Variants in RYR3 observed in about 807,000 individuals in gnomAD.
The protein encoded by RYR3 is ryanodine receptor 3, also known as brain ryanodine receptor-calcium release channel.
A neutral mutation model predicts 584.3 loss-of-function variants in RYR3; 207 were observed. That is an observed-to-expected ratio of 0.35 (90% CI 0.32 to 0.40). The LOEUF (loss-of-function observed/expected upper bound fraction) is 0.40, where lower values mean the gene tolerates loss of function less well. Ranked by LOEUF, RYR3 falls within the 10% of genes least tolerant of loss-of-function variation. The pLI is 1.00. For synonymous variants in RYR3, 2,416 were observed against 2,248.5 expected, an observed-to-expected ratio of 1.07 and a Z score of -2.11; for missense variants, 5,616 against 6,089.2, an observed-to-expected ratio of 0.92 and a Z score of 2.59.
chr15:33,652,252 C>T (rs1011554222), intron 31 of RYR3, among the ~76,000 whole-genome samples: 2 of 152,196 alleles, frequency 1.3e-5, no homozygotes, highest in Admixed American at 6.5e-5. Flanking sequence ...AATGTGGGCC[C>T]GAGTTTTCAA....
chr15:33,609,418 G>A (rs537905353), intron 18 of RYR3, among the ~76,000 whole-genome samples: 1 of 152,284 alleles, frequency 6.6e-6, no homozygotes, highest in East Asian at 1.9e-4. Context: ...CACTTTGGGA[G>A]GCCGAGGTGG....
chr15:33,777,476 T>C (rs2074069905), intron 64 of RYR3, among the ~76,000 whole-genome samples: 1 of 149,962 alleles, frequency 6.7e-6, no homozygotes, highest in Admixed American at 6.7e-5. Context: ...TCAGTTTTAC[T>C]TTTTTTTTTC....
intron 62 of RYR3, among the ~76,000 whole-genome samples, chr15:33,771,215 TTA>T (rs2152887259): frequency 2.0e-5 from 3 of 152,298 alleles, no homozygotes; most frequent in Admixed American, 6.5e-5. Context: ...TCGGAAGAGT[TTA>T]TGTTTCTAGC....
intron 19 of RYR3, among the ~76,000 whole-genome samples, chr15:33,619,517 G>C (rs1401277178): frequency 6.6e-6 from 1 of 152,052 alleles, no homozygotes; most frequent in South Asian, 2.1e-4. Flanking sequence ...TGGACTGGTA[G>C]GTTTAACTTT....
chr15:33,430,225 C>A (rs2045017134), intron 1 of RYR3, among the ~76,000 whole-genome samples: 1 of 152,226 alleles, frequency 6.6e-6, no homozygotes, highest in South Asian at 2.1e-4. Context: ...TTGCACAATG[C>A]CAAGCAAGGA....
chr15:33,561,026 G>C (rs6495169), intron 10 of RYR3, among the ~76,000 whole-genome samples: 1 of 152,060 alleles, frequency 6.6e-6, no homozygotes, highest in Non-Finnish European at 1.5e-5. Context: ...AATGCTGTGC[G>C]AAATAATTTT....
At chr15:33,719,716 C>G (rs967352454) in intron 43 of RYR3, among the ~76,000 whole-genome samples, 5 of 152,136 alleles carry the variant, frequency 3.3e-5, no homozygotes, top group African/African-American at 1.2e-4. Context: ...TGTAGATTCT[C>G]CTGGGGCTTT....
At chr15:33,552,650 A>AGCTC (rs1288240068) in intron 10 of RYR3, among the ~76,000 whole-genome samples, 1 of 152,212 alleles carries the variant, frequency 6.6e-6, no homozygotes, top group Non-Finnish European at 1.5e-5. Flanking sequence ...GCAGGCCAAG[A>AGCTC]TATGGCTGTG....
intron 3 of RYR3, among the ~76,000 whole-genome samples, chr15:33,529,575 ATAAT>A (rs1001014930): frequency 1.6e-4 from 24 of 152,322 alleles, no homozygotes; most frequent in African/African-American, 5.3e-4. Flanking sequence ...AATTATCTTC[ATAAT>A]TAATTTTTAT....
intron 2 of RYR3, among the ~76,000 whole-genome samples, chr15:33,490,341 C>T (rs1178375665): frequency 1.3e-5 from 2 of 152,172 alleles, no homozygotes; most frequent in Non-Finnish European, 2.9e-5. Flanking sequence ...AACTCTTGAC[C>T]TAATGCTCTG....
intron 30 of RYR3, 24 bp downstream of exon 30, chr15:33,647,484 GTTTTAATTATTTGATT>G (rs1255814841): frequency 6.4e-7 from 1 of 1,556,968 alleles, no homozygotes; most frequent in South Asian, 1.1e-5. Flanking sequence ...CTCAATTATG[GTTTTAATTATTTGATT>G]CTTTGTTGTG....
intron 98 of RYR3, 124 bp downstream of exon 98, chr15:33,855,036 C>G (rs1449795355): frequency 1.0e-6 from 1 of 989,530 alleles, no homozygotes; most frequent in East Asian, 3.1e-5. Flanking sequence ...CTTTTCTTGG[C>G]CAAACACTTC....
At chr15:33,664,474 T>A (rs2063357523) in intron 36 of RYR3, among the ~76,000 whole-genome samples, 1 of 151,824 alleles carries the variant, frequency 6.6e-6, no homozygotes, top group Non-Finnish European at 1.5e-5. Flanking sequence ...CACTGCTCCC[T>A]AAGTGTTCAA....
At position 33,508,376 on chromosome 15, in the gene RYR3, G is replaced by A. The variant is rs1304376489; in HGVS notation, c.279+4638G>A. Among the ~76,000 whole-genome samples, 5 of 152,212 alleles carry A rather than the reference G, an allele frequency of 3.3e-5. No individual in the cohort carries two copies. In the East Asian group the frequency reaches 5.8e-4, roughly 18 times the overall value. On this transcript the variant is annotated intron_variant, in intron 3 of 103. Coordinates refer to ENST00000634891, the MANE Select transcript of RYR3 (RefSeq NM_001036.6). ...CCTTTTAACCTTGATTGGGCTGGGC[G>A]TGGTGGCTCACACCTGTAATCCCAG...
intron 1 of RYR3, among the ~76,000 whole-genome samples, chr15:33,431,597 C>CA (rs145820930): frequency 5.4e-4 from 80 of 149,520 alleles, no homozygotes; most frequent in East Asian, 3.5e-3. Context: ...ATTCCCTCTG[C>CA]AAAAAAAAAT....
At chr15:33,361,373 G>A (rs913582183) in intron 1 of RYR3, among the ~76,000 whole-genome samples, 1 of 152,304 alleles carries the variant, frequency 6.6e-6, no homozygotes, top group Non-Finnish European at 1.5e-5. Flanking sequence ...TTTTATAAAA[G>A]GTTGCAGAAA....
intron 38 of RYR3, among the ~76,000 whole-genome samples, chr15:33,695,218 C>G (rs1489861345): frequency 1.3e-5 from 2 of 152,212 alleles, no homozygotes; most frequent in African/African-American, 4.8e-5. Context: ...AGCAGCATGT[C>G]TCACCTCTGT....
chr15:33,669,792 G>A (rs1460982183), intron 37 of RYR3, among the ~76,000 whole-genome samples: 1 of 139,648 alleles, frequency 7.2e-6, no homozygotes, highest in Non-Finnish European at 1.5e-5. Context: ...GCTTCCAGGT[G>A]AGACAAGATT....
intron 5 of RYR3, among the ~76,000 whole-genome samples, chr15:33,533,865 G>C (rs2055090078): frequency 6.6e-6 from 1 of 151,354 alleles, no homozygotes; most frequent in South Asian, 2.1e-4. Flanking sequence ...CCATTCCACT[G>C]TATCCTTTAT....
Sources: allele counts gnomAD v4.1 joint callset (sites outside exome capture counted in the v4.1 genomes callset), GRCh38; gene constraint gnomAD v4.1.1; transcripts MANE v1.5; gene names NCBI Gene and HGNC (gene_info 2026-07-23, HGNC 2026-07-21).